Variants in PKP2 observed in about 807,000 individuals in gnomAD.
PKP2 encodes plakophilin 2.
Under a neutral mutation model 83.4 loss-of-function variants are expected in PKP2, and 73 were observed. The ratio of observed to expected loss-of-function variants is 0.88; its 90% confidence interval spans 0.72 to 1.06. The LOEUF is 1.06. PKP2 is among the 50% of genes least tolerant of loss of function. The probability of loss-of-function intolerance (pLI) is 0.00; values close to 1 mark genes in which losing one functional copy is unlikely to be tolerated. For missense variants in PKP2, 966 were observed against 1,065.4 expected, an observed-to-expected ratio of 0.91 and a Z score of 1.30; for synonymous variants, 409 against 430.4, an observed-to-expected ratio of 0.95 and a Z score of 0.62.
At chr12:32,874,587 T>G (rs949147407) in intron 3 of PKP2, among the ~76,000 whole-genome samples, 1 of 152,200 alleles carries the variant, frequency 6.6e-6, no homozygotes, top group Admixed American at 6.5e-5. Flanking sequence ...GGAAATATGA[T>G]TAAATATTAT....
At chr12:32,806,528 G>T (rs1458962642) in intron 9 of PKP2, among the ~76,000 whole-genome samples, 1 of 152,078 alleles carries the variant, frequency 6.6e-6, no homozygotes, top group African/African-American at 2.4e-5. Flanking sequence ...TTCTCTGATG[G>T]TTGTATGTAT....
At chr12:32,859,426 ATT>A (rs1449880274) in intron 4 of PKP2, among the ~76,000 whole-genome samples, 1 of 152,050 alleles carries the variant, frequency 6.6e-6, no homozygotes, top group Non-Finnish European at 1.5e-5. Context: ...TTATTTTATC[ATT>A]TTAAAAAATA....
intron 9 of PKP2, among the ~76,000 whole-genome samples, chr12:32,808,297 T>C (rs191405082): frequency 6.6e-6 from 1 of 152,312 alleles, no homozygotes; most frequent in Non-Finnish European, 1.5e-5. Flanking sequence ...TGAGATCCTT[T>C]CCTCCACTTG....
intron 1 of PKP2, among the ~76,000 whole-genome samples, chr12:32,885,545 T>C (rs1342456150): frequency 1.3e-5 from 2 of 151,986 alleles, no homozygotes; most frequent in Non-Finnish European, 2.9e-5. Flanking sequence ...GGTGTGCTGT[T>C]GGGCACCTGT....
At chr12:32,859,165 A>G (rs1956778503) in intron 4 of PKP2, among the ~76,000 whole-genome samples, 1 of 152,218 alleles carries the variant, frequency 6.6e-6, no homozygotes, top group South Asian at 2.1e-4. Flanking sequence ...GATGAAATAT[A>G]AGTATAGAAA....
At chr12:32,792,518 GA>G in intron 12 of PKP2, 26 bp from the exon 13 acceptor site, 1 of 1,604,152 alleles carries the variant, frequency 6.2e-7, no homozygotes, top group Non-Finnish European at 8.5e-7. Flanking sequence ...ACAGAAACGT[GA>G]AAGGTAACAA....
chr12:32,854,535 C>G (rs1242489153), intron 4 of PKP2, among the ~76,000 whole-genome samples: 1 of 152,136 alleles, frequency 6.6e-6, no homozygotes, highest in Admixed American at 6.5e-5. Context: ...ACATTAGGAC[C>G]AATGTCAAAT....
At chr12:32,858,894 AT>A (rs1956777306) in intron 4 of PKP2, among the ~76,000 whole-genome samples, 1 of 152,198 alleles carries the variant, frequency 6.6e-6, no homozygotes, top group African/African-American at 2.4e-5. Context: ...TGAAAAAAAA[AT>A]CAGCAGAAGC....
chr12:32,867,292 C>A (rs1328864624), intron 4 of PKP2, among the ~76,000 whole-genome samples: 1 of 152,228 alleles, frequency 6.6e-6, no homozygotes, highest in Non-Finnish European at 1.5e-5. Flanking sequence ...CACACCACTG[C>A]TCTCCAGCCT....
chr12:32,801,191 G>A (rs746075731), intron 10 of PKP2, among the ~76,000 whole-genome samples: 10 of 152,162 alleles, frequency 6.6e-5, no homozygotes, highest in Non-Finnish European at 1.2e-4. Flanking sequence ...ATACCTTCCC[G>A]ACATTTAGGG....
chr12:32,807,020 T>C (rs901611637), intron 9 of PKP2, among the ~76,000 whole-genome samples: 2 of 152,162 alleles, frequency 1.3e-5, no homozygotes, highest in African/African-American at 4.8e-5. Flanking sequence ...TGGTTTTGAG[T>C]GAATTTCTTA....
At chr12:32,862,484 T>C (rs1956808580) in intron 4 of PKP2, among the ~76,000 whole-genome samples, 2 of 151,708 alleles carry the variant, frequency 1.3e-5, no homozygotes, top group South Asian at 2.1e-4. Flanking sequence ...CCATCTCTAC[T>C]AAAAATACAA....
At chr12:32,895,498 G>C (rs1957114459) in intron 1 of PKP2, among the ~76,000 whole-genome samples, 1 of 152,178 alleles carries the variant, frequency 6.6e-6, no homozygotes, top group African/African-American at 2.4e-5. Context: ...GAACGTTGCA[G>C]GAAACAGATA....
chr12:32,828,575 G>A (rs779890060), intron 6 of PKP2, among the ~76,000 whole-genome samples: 2 of 152,166 alleles, frequency 1.3e-5, no homozygotes, highest in Non-Finnish European at 2.9e-5. Flanking sequence ...GGGAAATTCT[G>A]ACCTGTGATT....
At chr12:32,801,527 T>C (rs1462185335) in intron 10 of PKP2, among the ~76,000 whole-genome samples, 1 of 152,160 alleles carries the variant, frequency 6.6e-6, no homozygotes, top group Non-Finnish European at 1.5e-5. Flanking sequence ...GCTTTGAAAA[T>C]GACATTACTA....
intron 6 of PKP2, among the ~76,000 whole-genome samples, chr12:32,829,783 C>T (rs1334732340): frequency 6.6e-6 from 1 of 152,128 alleles, no homozygotes; most frequent in African/African-American, 2.4e-5. Flanking sequence ...TCCTCAGCCT[C>T]CTGAGTAGCT....
At chr12:32,795,263 A>T (rs767412956) in intron 11 of PKP2, among the ~76,000 whole-genome samples, 35 of 151,978 alleles carry the variant, frequency 2.3e-4, no homozygotes, top group Non-Finnish European at 8.8e-5. Context: ...ACCTTCTATT[A>T]TCAAAAGGGA....
intron 4 of PKP2, among the ~76,000 whole-genome samples, chr12:32,854,747 A>G (rs903069353): frequency 9.2e-5 from 14 of 152,240 alleles, no homozygotes; most frequent in Admixed American, 7.2e-4. Context: ...GCAGAGTCAC[A>G]TATGAGAATT....
At chr12:32,858,466 T>C (rs1185018604) in intron 4 of PKP2, among the ~76,000 whole-genome samples, 1 of 152,118 alleles carries the variant, frequency 6.6e-6, no homozygotes, top group Non-Finnish European at 1.5e-5. Flanking sequence ...CCTTATTCAT[T>C]CTTCCTACGG....
Sources: allele counts gnomAD v4.1 joint callset (sites outside exome capture counted in the v4.1 genomes callset), GRCh38; gene constraint gnomAD v4.1.1; transcripts MANE v1.5; gene names NCBI Gene and HGNC (gene_info 2026-07-23, HGNC 2026-07-21).